VARS2: variants seen among roughly 807,000 people sequenced by gnomAD.
The protein encoded by VARS2 is valine--tRNA ligase, mitochondrial.
A neutral mutation model predicts 154.1 loss-of-function variants in VARS2; 105 were observed. The observed-to-expected ratio is 0.68, with a 90% CI of 0.58 to 0.80. The LOEUF (loss-of-function observed/expected upper bound fraction) is 0.80. Ranked by LOEUF, VARS2 falls within the 30% of genes least tolerant of loss-of-function variation. The probability of loss-of-function intolerance (pLI) is 0.00; values close to 1 mark genes in which losing one functional copy is unlikely to be tolerated. For missense variants in VARS2, 1,157 were observed against 1,361.4 expected, an observed-to-expected ratio of 0.85 and a Z score of 2.36; for synonymous variants, 483 against 539.5, an observed-to-expected ratio of 0.90 and a Z score of 1.45.
In VARS2 at chr6:30,919,178, G is replaced by C; in HGVS notation, c.1074+263G>C. ...CTGTCACCAAGGCTGGAGGGCAGTG[G>C]TGTGATCTTGGCTCACTGCAACCTC... On this transcript the variant is annotated intron_variant, in intron 11 of 29. Coordinates refer to ENST00000676266, the MANE Select transcript of VARS2 (RefSeq NM_020442.6). This position sits in a 1 kb window ranked among gnomAD's most constrained non-coding sequence, Gnocchi z 4.5. 2.5e-6 allele frequency: 1 copy of C among 400,000 alleles called. No individual in the cohort carries two copies. 24.8% of individuals were successfully genotyped at this position (400,000 alleles called of 1,614,324 possible).
chr6:30,914,551 C>A, intron 1 of VARS2: 1 of 1,334,782 alleles, frequency 7.5e-7, no homozygotes, highest in Non-Finnish European at 9.6e-7. Flanking sequence ...AGTTTCTGAG[C>A]CCTATCTCTC....
rs116118019 is a variant in VARS2 at position 30,924,465 on chromosome 6, C to T, written c.2578C>T (p.Leu860=). 3,701 of 1,612,348 alleles carry T rather than the reference C, an allele frequency of 2.3e-3. 90 individuals are homozygous for T. The African/African-American group carries it at 0.043, about 19-fold the overall frequency. The stretch of plus-strand genomic sequence containing the variant: ...CCTCCTGGCCCCACTGATGCCCTTC[C>T]TGGCTGAAGAGCTCTGGCAGAGGCT... ...LRLLAPLMPF[L]AEELWQRLPP... is the part of the protein sequence containing the mutation. The change falls in exon 26 of 30, where the codon CTG becomes TTG. Residue 860 remains leucine (L), a synonymous_variant. Transcript: ENST00000676266.
rs1184822735 is a variant in VARS2, at chr6:30,924,434, C to T, written c.2547C>T (p.Gly849=). ...TCCTGTTCTCCTGCGCTGACCTCGG[C>T]CTCCGCCTCCTGGCCCCACTGATGC... ...PQVLFSCADL[G]LRLLAPLMPF... The change falls in exon 26 of 30, where the codon GGC becomes GGT. Residue 849 remains glycine, a synonymous_variant. Coordinates refer to ENST00000676266, the MANE Select transcript of VARS2 (RefSeq NM_020442.6). The T allele has an allele frequency of 6.2e-7, 1 of 1,612,806 alleles. No homozygotes were observed.
chr6:30,917,795 A>T lies in VARS2; in HGVS notation c.974A>T (p.Asp325Val), dbSNP rs1304273415. 3 of 1,556,138 alleles carry T rather than the reference A, an allele frequency of 1.9e-6. No homozygotes were observed. Among genetic ancestry groups the T allele is most frequent in the Non-Finnish European group, 2.6e-6 (3 of 1,149,418 alleles). ...CTATTTTCTGTTGCCTTCCCCGTGG[A>T]TGGAGAGCCTGGTGAGCATAGTACT... ...GLLFSVAFPV[D>V]GEPDAEVVVG... Residue 325 changes from aspartate (D) to valine (V), a missense_variant, in exon 10 of 30, where the codon GAT (aspartate) becomes GTT (valine). Asp to Val is a radical substitution (Grantham distance 152). Transcript: ENST00000676266. This position sits in a 1 kb window ranked among gnomAD's most constrained non-coding sequence, Gnocchi z 4.4.
chr6:30,922,643 G>A (rs1794596130), intron 21 of VARS2, 63 bp from the exon 22 acceptor site: 3 of 1,583,056 alleles, frequency 1.9e-6, no homozygotes, highest in African/African-American at 1.3e-5. Flanking sequence ...AGGCCAGCAG[G>A]TGTGACCCTT....
chr6:30,925,237 A>G (rs745809930), intron 26 of VARS2, 37 bp from the exon 27 acceptor site: 1 of 1,545,004 alleles, frequency 6.5e-7, no homozygotes, highest in Non-Finnish European at 8.9e-7. Flanking sequence ...GTCTCCCAGG[A>G]GCCCCTTTGC....
intron 10 of VARS2, among the ~76,000 whole-genome samples, chr6:30,918,452 T>C (rs1351264648): frequency 6.6e-6 from 1 of 152,238 alleles, no homozygotes; most frequent in Non-Finnish European, 1.5e-5. Context: ...GGAAGCTTCT[T>C]GTAGGAGCTG....
rs1794399417 is a variant in VARS2 at position 30,919,901 on chromosome 6, G to C, written c.1165+53G>C. On this transcript the variant is annotated intron_variant, in intron 12 of 29. Transcript: ENST00000676266. This position sits in a 1 kb window ranked among gnomAD's most constrained non-coding sequence, Gnocchi z 4.5. The stretch of plus-strand genomic sequence containing the variant: ...AAGTTGGGGGTCCTGGAGGAGAGGG[G>C]AGGGAACCAGGAGGAAGAGGAAGGT... The C allele has an allele frequency of 2.0e-6, 3 of 1,510,662 alleles. No homozygotes were observed. The highest frequency in any genetic ancestry group is 2.8e-5 in the African/African-American group (2 of 71,966). 93.6% of individuals were successfully genotyped at this position (1,510,662 alleles called of 1,614,324 possible).
chr6:30,914,441 T>C (rs1256754118), intron 1 of VARS2, 97 bp downstream of exon 1: 1 of 1,279,650 alleles, frequency 7.8e-7, no homozygotes, highest in Non-Finnish European at 9.8e-7. Context: ...CGCGCCGGGC[T>C]GTGGGCACTG....
Position 30,925,271 on chromosome 6 carries a change from C to T in VARS2, c.2674-3C>T, listed in dbSNP as rs1345333676. The T allele has an allele frequency of 6.2e-7, 1 of 1,609,600 alleles. No homozygotes were observed. The highest frequency in any genetic ancestry group is 8.5e-7 in the Non-Finnish European group (1 of 1,178,490). ...GCCAATTCTGGGTCCCCCCCATTGC[C>T]AGGAGCACTGGCGCCAGCCAGAGCT... On this transcript the variant is annotated splice_polypyrimidine_tract_variant and splice_region_variant and intron_variant, in intron 26 of 29. Transcript: ENST00000676266.
chr6:30,920,387 G>T lies in VARS2; in HGVS notation c.1348G>T (p.Gly450Cys), dbSNP rs1473820705. Reference sequence around the variant, plus strand: ...GATAATGTCTGTGCTGAGTGAATGGGGCCTGTTCCGGGGCCTCCAGAACCA... The same window carrying T: ...GATAATGTCTGTGCTGAGTGAATGGTGCCTGTTCCGGGGCCTCCAGAACCA... ...EKIMSVLSEWGLFRGLQNHPM... is the reference protein window; with the variant it reads ...EKIMSVLSEWCLFRGLQNHPM... Residue 450 changes from glycine to cysteine, a missense_variant, in exon 14 of 30, where the codon GGC becomes TGC. Coordinates refer to ENST00000676266, the MANE Select transcript of VARS2 (RefSeq NM_020442.6). This position sits in a 1 kb window ranked among gnomAD's most constrained non-coding sequence, Gnocchi z 4.6. The T allele has an allele frequency of 6.2e-7, 1 of 1,612,790 alleles. No individual in the cohort carries two copies. Among genetic ancestry groups the T allele is most frequent in the Non-Finnish European group, 8.5e-7 (1 of 1,179,400 alleles).
rs1392804131 is a variant in VARS2 at position 30,922,982 on chromosome 6, C to T, written c.2185+6C>T. 1 of 1,607,874 alleles carries T rather than the reference C, an allele frequency of 6.2e-7. No homozygotes were observed. Among genetic ancestry groups the T allele is most frequent in the Admixed American group, 1.7e-5 (1 of 59,770 alleles). On this transcript the variant is annotated splice_donor_region_variant and intron_variant, in intron 23 of 29. Transcript: ENST00000676266. ...CTGCTCCCATGGAGTTCAGGGTAAGCCTGGGCGAGGGGTGTCGGGGTGAGC... is the reference window on the plus strand; with the variant it reads ...CTGCTCCCATGGAGTTCAGGGTAAGTCTGGGCGAGGGGTGTCGGGGTGAGC...
chr6:30,921,481 G>A lies in VARS2; in HGVS notation c.1633-108G>A. ...AGTGGCATTTCTTTATCTCACCCCT[G>A]GGGGAACCTGGCCACTCTAAGACCA... On this transcript the variant is annotated intron_variant, in intron 17 of 29. Coordinates refer to ENST00000676266, the MANE Select transcript of VARS2 (RefSeq NM_020442.6). This position sits in a 1 kb window ranked among gnomAD's most constrained non-coding sequence, Gnocchi z 4.6. The A allele has an allele frequency of 1.4e-6, 2 of 1,444,654 alleles. No homozygotes were observed. Among genetic ancestry groups the A allele is most frequent in the Non-Finnish European group, 1.9e-6 (2 of 1,051,272 alleles). The allele number at this position is 1,444,654 out of a possible 1,614,324, so 89.5% of individuals were successfully genotyped here.
Position 30,916,479 on chromosome 6 carries a change from T to TG in VARS2, c.671+230_671+231insG. 3.2e-6 allele frequency: 1 copy of TG among 312,742 alleles called. No homozygotes were observed. The highest frequency in any genetic ancestry group is 6.0e-5 in the East Asian group (1 of 16,592). 19.4% of individuals were successfully genotyped at this position (312,742 alleles called of 1,614,324 possible). A position where few individuals can be genotyped will look rare whatever the true frequency, so the allele number is the denominator to read the frequency against. ...GTGTGTGTGTGTGTGTGTGTGTGTA[T>TG]TTATATATATATATATATTTTCTTT... On this transcript the variant is annotated intron_variant, in intron 7 of 29. Coordinates refer to ENST00000676266, the MANE Select transcript of VARS2 (RefSeq NM_020442.6). This position sits in a 1 kb window ranked among gnomAD's most constrained non-coding sequence, Gnocchi z 4.0.
Position 30,921,439 on chromosome 6 carries a change from C to T in VARS2, c.1632+134C>T, listed in dbSNP as rs965925506. The T allele has an allele frequency of 1.1e-5, 15 of 1,412,900 alleles. No individual in the cohort carries two copies. In the Middle Eastern group the frequency reaches 5.4e-4, roughly 51 times the overall value. 87.5% of individuals were successfully genotyped at this position (1,412,900 alleles called of 1,614,324 possible). On this transcript the variant is annotated intron_variant, in intron 17 of 29. Coordinates refer to ENST00000676266, the MANE Select transcript of VARS2 (RefSeq NM_020442.6). This position sits in a 1 kb window ranked among gnomAD's most constrained non-coding sequence, Gnocchi z 4.6. Reference sequence around the variant, plus strand: ...GCTCATAGTCATGTAACCTTCTGCGCGATCAAGGCTCCCTGAAGTGGCATT... The same window carrying T: ...GCTCATAGTCATGTAACCTTCTGCGTGATCAAGGCTCCCTGAAGTGGCATT...
chr6:30,917,286 G>A lies in VARS2; in HGVS notation c.873+62G>A. On this transcript the variant is annotated intron_variant, in intron 9 of 29. Coordinates refer to ENST00000676266, the MANE Select transcript of VARS2 (RefSeq NM_020442.6). This position sits in a 1 kb window ranked among gnomAD's most constrained non-coding sequence, Gnocchi z 4.4. ...CTGAGGCAGAGTGGTCAATGATTAA[G>A]AGCTCAGACTCTGGAGCCAGGGTGC... 1 of 1,611,516 alleles carries A rather than the reference G, an allele frequency of 6.2e-7. No homozygotes were observed. The highest frequency in any genetic ancestry group is 2.2e-5 in the East Asian group (1 of 44,844).
chr6:30,914,869 A>G lies in VARS2; in HGVS notation c.33A>G (p.Pro11=), dbSNP rs1306807324. The change falls in exon 2 of 30, where the codon CCA becomes CCG. Residue 11 remains proline, a synonymous_variant. Transcript: ENST00000676266. The part of the protein sequence containing the change: MPHLPLASFR[P]PFWGLRHSRG... ...ATTTGCCTCTCGCCTCTTTTCGACC[A>G]CCATTTTGGGGGCTGAGGCACTCAC... The G allele has an allele frequency of 1.9e-6, 3 of 1,612,538 alleles. No individual in the cohort carries two copies. Among genetic ancestry groups the G allele is most frequent in the Admixed American group, 3.3e-5 (2 of 59,972 alleles).
intron 10 of VARS2, among the ~76,000 whole-genome samples, chr6:30,918,312 C>G (rs1269455360): frequency 6.6e-6 from 1 of 152,190 alleles, no homozygotes; most frequent in East Asian, 1.9e-4. Flanking sequence ...GTGATCTGCC[C>G]GCCTTGGCCT....
At position 30,916,027 on chromosome 6, in the gene VARS2, C is replaced by A. The variant is rs779158062; in HGVS notation, c.553C>A (p.His185Asn). The change falls in exon 6 of 30, where the codon CAT (histidine) becomes AAT (asparagine). Residue 185 changes from histidine (H) to asparagine (N), a missense_variant. Coordinates refer to ENST00000676266, the MANE Select transcript of VARS2 (RefSeq NM_020442.6). This position sits in a 1 kb window ranked among gnomAD's most constrained non-coding sequence, Gnocchi z 4.0. ...DQVLWVPGSDHAGIATQAVVE... is the reference protein window; with the variant it reads ...DQVLWVPGSDNAGIATQAVVE... ...AGTGCTGTGGGTCCCTGGTTCAGAT[C>A]ATGCAGGAATTGCTACACAAGTATG... 1 of 1,614,012 alleles carries A rather than the reference C, an allele frequency of 6.2e-7. No homozygotes were observed. The highest frequency in any genetic ancestry group is 8.5e-7 in the Non-Finnish European group (1 of 1,179,896).
Sources: gnomAD v4.1 joint callset for allele counts (sites outside exome capture counted in the v4.1 genomes callset) on GRCh38, gnomAD v4.1.1 for gene constraint, Gnocchi (gnomAD v3.1) non-coding constraint, MANE v1.5 for transcripts, NCBI Gene and HGNC (gene_info 2026-07-23, HGNC 2026-07-21) for gene names.